Variants in MYO5B observed in about 807,000 individuals in gnomAD.
MYO5B encodes myosin VB.
In MYO5B, 143 loss-of-function variants were observed where a neutral mutation model predicts 229.3. The observed-to-expected ratio is 0.62, with a 90% confidence interval of 0.54 to 0.72. MYO5B has a LOEUF of 0.72. MYO5B is among the 30% of genes least tolerant of loss of function. The probability of loss-of-function intolerance (pLI) is 0.00; values close to 1 mark genes in which losing one functional copy is unlikely to be tolerated. For missense variants in MYO5B, 2,321 were observed against 2,331.0 expected (o/e 1.00, Z 0.09); for synonymous variants, 918 against 885.2 (o/e 1.04, Z -0.66).
At chr18:49,924,828 C>G (rs951689478) in intron 17 of MYO5B, among the ~76,000 whole-genome samples, 2 of 152,218 alleles carry the variant, frequency 1.3e-5, no homozygotes, top group African/African-American at 4.8e-5. Flanking sequence ...GCTTTACATC[C>G]TGATGCACCC....
intron 17 of MYO5B, among the ~76,000 whole-genome samples, chr18:49,927,982 A>G (rs2025148480): frequency 6.6e-6 from 1 of 152,084 alleles, no homozygotes; most frequent in South Asian, 2.1e-4. Flanking sequence ...AAATCTTTGC[A>G]ATCTATACAT....
At chr18:50,032,123 A>T (rs1307721778) in intron 4 of MYO5B, among the ~76,000 whole-genome samples, 1 of 152,114 alleles carries the variant, frequency 6.6e-6, no homozygotes, top group African/African-American at 2.4e-5. Flanking sequence ...ACCCCTGCAG[A>T]TCCATTCACC....
rs72463376 is a variant in MYO5B, at chr18:50,184,873, T to TACAC, written c.27+9890_27+9893dup. Among the ~76,000 whole-genome samples, 291 of 148,710 alleles carry TACAC rather than the reference T, an allele frequency of 2.0e-3. 1 individual carries two copies. Among genetic ancestry groups the TACAC allele is most frequent in the South Asian group, 7.3e-3 (34 of 4,636 alleles). On this transcript the variant is annotated intron_variant, in intron 1 of 39. Coordinates refer to ENST00000285039, the MANE Select transcript of MYO5B (RefSeq NM_001080467.3). ...GAGCAACATGGTGAGACCCTATCTC[T>TACAC]ACACACACACACACACACACAGAAA...
At chr18:50,152,922 T>C (rs752080136) in intron 1 of MYO5B, among the ~76,000 whole-genome samples, 2 of 150,410 alleles carry the variant, frequency 1.3e-5, no homozygotes, top group African/African-American at 4.9e-5. Context: ...CTTGTTCATA[T>C]ATTGGTGAAT....
chr18:50,032,100 T>A (rs1283354433), intron 4 of MYO5B, among the ~76,000 whole-genome samples: 1 of 152,198 alleles, frequency 6.6e-6, no homozygotes, highest in Non-Finnish European at 1.5e-5. Flanking sequence ...TTTCTAACTT[T>A]ACAGCCCAGA....
chr18:50,083,413 G>A (rs557779673), intron 1 of MYO5B, among the ~76,000 whole-genome samples: 25 of 152,104 alleles, frequency 1.6e-4, no homozygotes, highest in South Asian at 4.1e-4. Context: ...TGGTCTCTCC[G>A]ACATTCAGCC....
At chr18:49,932,860 C>T (rs111790914) in intron 16 of MYO5B, among the ~76,000 whole-genome samples, 4 of 152,226 alleles carry the variant, frequency 2.6e-5, no homozygotes, top group Admixed American at 6.5e-5. Context: ...TCTCTCAATC[C>T]GCCTCACTGC....
intron 1 of MYO5B, among the ~76,000 whole-genome samples, chr18:50,130,967 GA>G (rs1465579155): frequency 6.6e-6 from 1 of 152,168 alleles, no homozygotes; most frequent in Non-Finnish European, 1.5e-5. Context: ...TTACATGGCA[GA>G]AAAACCTCTA....
rs2032905973 is a variant in MYO5B, at chr18:50,170,275, G to T, written c.27+24492C>A. ...CTCTGTAGCACCGCAGCATCGCAAT[G>T]AGTCAAAGCAGGTTTTCAAGTTTTC... is the stretch of plus-strand genomic sequence containing the variant. On this transcript the variant is annotated intron_variant, in intron 1 of 39. Coordinates refer to ENST00000285039, the MANE Select transcript of MYO5B (RefSeq NM_001080467.3). Among the ~76,000 whole-genome samples the T allele has an allele frequency of 3.2e-5, 4 of 126,854 alleles. 1 individual carries two copies. The Admixed American group carries it at 3.4e-4, about 11-fold the overall frequency. The allele number at this position is 126,854 out of a possible 152,430, so 83.2% of individuals were successfully genotyped here. A position where few individuals can be genotyped will look rare whatever the true frequency, so the allele number is the denominator to read the frequency against.
At chr18:49,937,005 G>A (rs574979889) in intron 15 of MYO5B, among the ~76,000 whole-genome samples, 90 of 152,306 alleles carry the variant, frequency 5.9e-4, no homozygotes, top group African/African-American at 2.1e-3. Flanking sequence ...CCCCACCACA[G>A]GCGTTAACAT....
At chr18:50,001,231 G>A (rs1598943320) in intron 5 of MYO5B, 24 bp downstream of exon 5, 1 of 1,614,016 alleles carries the variant, frequency 6.2e-7, no homozygotes, top group Non-Finnish European at 8.5e-7. Flanking sequence ...AGCCAGGAAG[G>A]CCAGGACACC....
At chr18:49,847,336 A>G in intron 32 of MYO5B, 47 bp from the exon 33 acceptor site, 1 of 1,600,226 alleles carries the variant, frequency 6.2e-7, no homozygotes, top group Non-Finnish European at 8.5e-7. Flanking sequence ...TTCCAGCTGC[A>G]GGCCTGAGGG....
At chr18:49,878,208 C>A (rs1260162900) in intron 24 of MYO5B, among the ~76,000 whole-genome samples, 2 of 152,216 alleles carry the variant, frequency 1.3e-5, no homozygotes, top group East Asian at 3.8e-4. Context: ...CCACTTCTCC[C>A]TTGAAAGGAA....
intron 17 of MYO5B, among the ~76,000 whole-genome samples, chr18:49,917,483 G>C (rs996595745): frequency 2.1e-4 from 8 of 38,970 alleles, no homozygotes; most frequent in Non-Finnish European, 4.7e-4. Flanking sequence ...TCCAGACCAT[G>C]GTTTGTAAAC....
At chr18:49,842,547 G>C (rs982146191) in intron 34 of MYO5B, among the ~76,000 whole-genome samples, 1 of 152,228 alleles carries the variant, frequency 6.6e-6, no homozygotes, top group Non-Finnish European at 1.5e-5. Context: ...AGGCCTGCTA[G>C]CAGGTAGAAA....
intron 12 of MYO5B, among the ~76,000 whole-genome samples, chr18:49,961,848 C>G (rs1386816633): frequency 6.6e-6 from 1 of 152,232 alleles, no homozygotes; most frequent in South Asian, 2.1e-4. Context: ...ATGAATTTCA[C>G]CTGCCACCAT....
intron 1 of MYO5B, among the ~76,000 whole-genome samples, chr18:50,096,162 A>T (rs1452559970): frequency 6.6e-6 from 1 of 152,172 alleles, no homozygotes; most frequent in East Asian, 1.9e-4. Flanking sequence ...CCTTATGTTG[A>T]ACCACATTAA....
intron 4 of MYO5B, among the ~76,000 whole-genome samples, chr18:50,034,669 G>A (rs1410828146): frequency 6.6e-6 from 1 of 152,048 alleles, no homozygotes; most frequent in African/African-American, 2.4e-5. Flanking sequence ...ACTTGAACCT[G>A]GGGGGCGGAG....
chr18:50,192,331 G>A (rs577610206), intron 1 of MYO5B, among the ~76,000 whole-genome samples: 28 of 152,194 alleles, frequency 1.8e-4, no homozygotes, highest in Non-Finnish European at 3.2e-4. Context: ...GAATTGTAAC[G>A]GGATGAAATG....
Sources: gnomAD v4.1 joint callset for allele counts (sites outside exome capture counted in the v4.1 genomes callset) on GRCh38, gnomAD v4.1.1 for gene constraint, MANE v1.5 for transcripts, NCBI Gene and HGNC (gene_info 2026-07-23, HGNC 2026-07-21) for gene names.